Variants in MAP2 observed in about 807,000 individuals in gnomAD.
MAP2 encodes microtubule associated protein 2.
Under a neutral mutation model 137.6 loss-of-function variants are expected in MAP2, and 14 were observed. The observed-to-expected ratio is 0.10, with a 90% CI of 0.07 to 0.16. The LOEUF (loss-of-function observed/expected upper bound fraction) is 0.16. MAP2 is among the 10% of genes least tolerant of loss of function. The pLI is 1.00. For synonymous variants in MAP2, 786 were observed against 782.3 expected (o/e 1.00, Z -0.08); for missense variants, 2,088 against 2,191.5 (o/e 0.95, Z 0.94).
rs1388827385 is a variant in MAP2, at chr2:209,572,912, T to C, written c.-171-7124T>C. Among the ~76,000 whole-genome samples, 3 of 152,234 alleles carry C rather than the reference T, an allele frequency of 2.0e-5. No homozygotes were observed. The East Asian group carries it at 5.8e-4, about 29-fold the overall frequency. On this transcript the variant is annotated intron_variant, in intron 2 of 15. Coordinates refer to ENST00000682079, the MANE Select transcript of MAP2 (RefSeq NM_001375505.1). Reference sequence around the variant, plus strand: ...TCTTTCAACTCCTGACCAGTTGTTCTTTATCACATAAATCAGGGATCCACT... The same window carrying C: ...TCTTTCAACTCCTGACCAGTTGTTCCTTATCACATAAATCAGGGATCCACT...
chr2:209,686,941 A>G (rs1378615215), intron 7 of MAP2, among the ~76,000 whole-genome samples: 1 of 152,124 alleles, frequency 6.6e-6, no homozygotes, highest in Non-Finnish European at 1.5e-5. Context: ...AAAACAAAAC[A>G]TAAGAAAACA....
intron 1 of MAP2, among the ~76,000 whole-genome samples, chr2:209,446,246 G>A (rs1699026159): frequency 6.6e-6 from 1 of 151,624 alleles, no homozygotes; most frequent in African/African-American, 2.4e-5. Context: ...ATCATACCTG[G>A]TTTCTTTAGA....
chr2:209,490,605 C>CAAAAA (rs59133937), intron 1 of MAP2, among the ~76,000 whole-genome samples: 170 of 5,562 alleles, frequency 0.031, 66 homozygotes, highest in East Asian at 0.078. Flanking sequence ...AAATGGAAAG[C>CAAAAA]AAAAAAAAAA....
At chr2:209,542,830 T>A (rs1385126697) in intron 2 of MAP2, among the ~76,000 whole-genome samples, 1 of 152,272 alleles carries the variant, frequency 6.6e-6, no homozygotes, top group African/African-American at 2.4e-5. Context: ...CTTAAGGGAA[T>A]GTTGTGGATA....
intron 1 of MAP2, 99 bp downstream of exon 1, chr2:209,424,375 C>T (rs1574414017): frequency 6.5e-6 from 1 of 152,754 alleles, no homozygotes; most frequent in African/African-American, 2.4e-5. Flanking sequence ...GGTTGTGTCT[C>T]GTCCTCTGGG....
chr2:209,503,392 T>G (rs770090799), intron 1 of MAP2, among the ~76,000 whole-genome samples: 2 of 152,130 alleles, frequency 1.3e-5, no homozygotes, highest in Non-Finnish European at 2.9e-5. Context: ...GATGATTGTT[T>G]CCTTTTTTGG....
At chr2:209,640,454 A>T (rs2093928606) in intron 4 of MAP2, among the ~76,000 whole-genome samples, 1 of 152,068 alleles carries the variant, frequency 6.6e-6, no homozygotes, top group Non-Finnish European at 1.5e-5. Context: ...AGTCAAAACC[A>T]GAATTGATTC....
intron 1 of MAP2, among the ~76,000 whole-genome samples, chr2:209,434,890 T>TAG (rs1695439356): frequency 7.2e-6 from 1 of 138,274 alleles, no homozygotes; most frequent in African/African-American, 2.8e-5. Flanking sequence ...ATATGTTATA[T>TAG]ATATGTTATA....
At chr2:209,650,562 G>C (rs2094721112) in intron 4 of MAP2, among the ~76,000 whole-genome samples, 1 of 152,096 alleles carries the variant, frequency 6.6e-6, no homozygotes. Flanking sequence ...AGGAACCTAA[G>C]GAGACATGAG....
At chr2:209,532,571 A>G (rs980023479) in intron 2 of MAP2, among the ~76,000 whole-genome samples, 1 of 152,178 alleles carries the variant, frequency 6.6e-6, no homozygotes, top group Non-Finnish European at 1.5e-5. Flanking sequence ...TCTGAAATCC[A>G]GTGCCTGCCC....
chr2:209,477,991 G>A (rs1224081710), intron 1 of MAP2, among the ~76,000 whole-genome samples: 5 of 152,134 alleles, frequency 3.3e-5, no homozygotes, highest in South Asian at 2.1e-4. Context: ...GGAACAGAGC[G>A]AGACTCTGTC....
intron 2 of MAP2, among the ~76,000 whole-genome samples, chr2:209,556,799 C>T (rs866929425): frequency 2.6e-5 from 4 of 151,830 alleles, no homozygotes; most frequent in East Asian, 1.9e-4. Flanking sequence ...TTCTAACCTA[C>T]GTTGTAAAAA....
chr2:209,562,197 C>A (rs2072268650), intron 2 of MAP2, among the ~76,000 whole-genome samples: 1 of 152,094 alleles, frequency 6.6e-6, no homozygotes, highest in African/African-American at 2.4e-5. Context: ...TGCTTTAACT[C>A]TAAAGCAAAC....
At chr2:209,506,870 A>G (rs1216701672) in intron 1 of MAP2, among the ~76,000 whole-genome samples, 1 of 152,226 alleles carries the variant, frequency 6.6e-6, no homozygotes, top group Non-Finnish European at 1.5e-5. Context: ...CAGTCTGTGC[A>G]GACTGTTCTA....
chr2:209,564,263 AATTCATATTCAC>A (rs917296051), intron 2 of MAP2, among the ~76,000 whole-genome samples: 1 of 152,182 alleles, frequency 6.6e-6, no homozygotes, highest in Non-Finnish European at 1.5e-5. Context: ...TCTCAGTGCA[AATTCATATTCAC>A]ATATAGATTG....
Position 209,693,955 on chromosome 2 carries a change from G to C in MAP2, c.1785G>C (p.Leu595=), listed in dbSNP as rs1480979688. 6.2e-7 allele frequency: 1 copy of C among 1,613,850 alleles called. No homozygotes were observed. The highest frequency in any genetic ancestry group is 2.2e-5 in the East Asian group (1 of 44,868). Residue 595 remains leucine (L), a synonymous_variant, in exon 8 of 16, where the codon CTG becomes CTC. Transcript: ENST00000682079. ...SIEPGSDYYE[L]SDTRESVHES... is the part of the protein sequence containing the mutation. ...AGCCAGGCAGTGATTACTATGAACT[G>C]AGTGACACTAGAGAAAGTGTCCATG... is the stretch of plus-strand genomic sequence containing the variant.
Position 209,678,693 on chromosome 2 carries a change from A to C in MAP2, c.376+8A>C. ...CTGCAGCTCTGCCTTTAGGTAAATA[A>C]GAAGATTCTCAGGTCAGGGACTGTG... On this transcript the variant is annotated splice_region_variant and intron_variant, in intron 6 of 15. Coordinates refer to ENST00000682079, the MANE Select transcript of MAP2 (RefSeq NM_001375505.1). The C allele has an allele frequency of 6.4e-7, 1 of 1,553,978 alleles. No homozygotes were observed. The highest frequency in any genetic ancestry group is 8.8e-7 in the Non-Finnish European group (1 of 1,136,650).
At chr2:209,506,553 T>C (rs1288406227) in intron 1 of MAP2, among the ~76,000 whole-genome samples, 3 of 152,208 alleles carry the variant, frequency 2.0e-5, no homozygotes, top group Non-Finnish European at 4.4e-5. Context: ...CTTTTGTCAT[T>C]TTGAAGTGGT....
At chr2:209,488,057 G>T (rs565216986) in intron 1 of MAP2, among the ~76,000 whole-genome samples, 1 of 152,302 alleles carries the variant, frequency 6.6e-6, no homozygotes, top group East Asian at 1.9e-4. Context: ...AGCGCAGAAG[G>T]TGTGTGATTT....
Sources: allele counts gnomAD v4.1 joint callset (sites outside exome capture counted in the v4.1 genomes callset), GRCh38; gene constraint gnomAD v4.1.1; transcripts MANE v1.5; gene names NCBI Gene and HGNC (gene_info 2026-07-23, HGNC 2026-07-21).